KATNAL2: variants seen among roughly 807,000 people sequenced by gnomAD.
The protein encoded by KATNAL2 is katanin catalytic subunit A1 like 2, also known as katanin p60 ATPase-containing subunit A-like 2.
KATNAL2 carries 52 observed loss-of-function variants against 76.3 expected under a neutral mutation model. The observed-to-expected ratio is 0.68, with a 90% CI of 0.55 to 0.86. The LOEUF (loss-of-function observed/expected upper bound fraction) is 0.86. KATNAL2 is among the 40% of genes least tolerant of loss of function. The probability of loss-of-function intolerance (pLI) is 0.00; values close to 1 mark genes in which losing one functional copy is unlikely to be tolerated. For missense variants in KATNAL2, 660 were observed against 668.9 expected (o/e 0.99, Z 0.15); for synonymous variants, 243 against 244.2 (o/e 1.00, Z 0.05).
chr18:47,034,252 T>C (rs755578475), intron 3 of KATNAL2: 56 of 1,613,902 alleles, frequency 3.5e-5, no homozygotes, highest in Non-Finnish European at 4.7e-5. Context: ...GGAAAGCTGC[T>C]CTTTCTCCTC....
chr18:47,059,318 T>C (rs1015615684), intron 7 of KATNAL2, among the ~76,000 whole-genome samples: 1 of 152,218 alleles, frequency 6.6e-6, no homozygotes, highest in Admixed American at 6.5e-5. Context: ...AAAAGCTGCT[T>C]GGGGCCCATG....
At chr18:47,035,532 G>A in intron 3 of KATNAL2, 1 of 682,304 alleles carries the variant, frequency 1.5e-6, no homozygotes, top group Non-Finnish European at 2.5e-6. Context: ...GCAGTTTGCT[G>A]TGCAACAAAG....
chr18:46,959,794 C>A (rs1365321263), intron 3 of KATNAL2, among the ~76,000 whole-genome samples: 1 of 152,088 alleles, frequency 6.6e-6, no homozygotes, highest in African/African-American at 2.4e-5. Flanking sequence ...AGGCTGGCCT[C>A]AAACTCCTGA....
At chr18:47,034,698 G>A in intron 3 of KATNAL2, 3 of 1,612,934 alleles carry the variant, frequency 1.9e-6, no homozygotes, top group Non-Finnish European at 2.5e-6. Flanking sequence ...GTTGCTTCCC[G>A]GGCGCAGCGG....
At chr18:47,097,266 A>T (rs2147417039) in intron 15 of KATNAL2, among the ~76,000 whole-genome samples, 1 of 152,330 alleles carries the variant, frequency 6.6e-6, no homozygotes, top group African/African-American at 2.4e-5. Context: ...GGAATTGGGT[A>T]TTCCTATGGT....
intron 15 of KATNAL2, among the ~76,000 whole-genome samples, chr18:47,080,813 G>A (rs571726941): frequency 6.6e-6 from 1 of 152,142 alleles, no homozygotes; most frequent in African/African-American, 2.4e-5. Context: ...ATGTCCTTAT[G>A]GGCCAATTGC....
intron 1 of KATNAL2, among the ~76,000 whole-genome samples, chr18:46,922,265 T>C (rs1351344050): frequency 6.6e-6 from 1 of 151,856 alleles, no homozygotes; most frequent in African/African-American, 2.4e-5. Context: ...TCTCAGCTAA[T>C]TTTTGTATCT....
intron 4 of KATNAL2, among the ~76,000 whole-genome samples, chr18:47,051,082 T>C (rs1445479864): frequency 2.0e-5 from 3 of 152,150 alleles, no homozygotes; most frequent in Non-Finnish European, 4.4e-5. Flanking sequence ...TCTTGTGTCT[T>C]GTTATTATGG....
At chr18:47,090,922 T>C (rs1038994293) in intron 15 of KATNAL2, among the ~76,000 whole-genome samples, 1 of 152,206 alleles carries the variant, frequency 6.6e-6, no homozygotes, top group Admixed American at 6.5e-5. Flanking sequence ...CACAGAATGT[T>C]AATAAATATT....
intron 4 of KATNAL2, among the ~76,000 whole-genome samples, chr18:47,051,307 T>C (rs1264998005): frequency 6.6e-6 from 1 of 152,160 alleles, no homozygotes; most frequent in East Asian, 1.9e-4. Context: ...GGTGCACGCC[T>C]GTAGTCCAAG....
At chr18:47,088,682 G>T (rs2062876773) in intron 15 of KATNAL2, among the ~76,000 whole-genome samples, 1 of 152,210 alleles carries the variant, frequency 6.6e-6, no homozygotes, top group Admixed American at 6.5e-5. Context: ...AGGTTCAAGC[G>T]ATCCTCCCAC....
chr18:46,957,037 CAAA>C (rs71264809), intron 3 of KATNAL2, among the ~76,000 whole-genome samples: 1 of 104,892 alleles, frequency 9.5e-6, no homozygotes, highest in African/African-American at 3.7e-5. Flanking sequence ...AACTCCGTCT[CAAA>C]AAAAAAAAAA....
At chr18:47,032,049 G>GA (rs1180456215) in intron 3 of KATNAL2, among the ~76,000 whole-genome samples, 1 of 152,188 alleles carries the variant, frequency 6.6e-6, no homozygotes, top group Non-Finnish European at 1.5e-5. Flanking sequence ...ATGGTAATTA[G>GA]AAAATCTGAT....
At chr18:46,919,542 G>A (rs1009200420) in intron 1 of KATNAL2, among the ~76,000 whole-genome samples, 22 of 151,382 alleles carry the variant, frequency 1.5e-4, no homozygotes, top group African/African-American at 4.4e-4. Context: ...CCAGCTACTC[G>A]TGAGGCTGAG....
rs190603914 is a variant in KATNAL2 at position 46,932,402 on chromosome 18, C to A, written c.-509-13655C>A. 7.9e-5 allele frequency among the ~76,000 whole-genome samples: 12 copies of A among 151,998 alleles called. No homozygotes were observed. The East Asian group carries it at 2.3e-3, about 30-fold the overall frequency. On this transcript the variant is annotated intron_variant, in intron 1 of 17. Transcript: ENST00000683218. ...AATTAAAAAATGAAAGGGCTGGGCA[C>A]GGTGGCTCACACCTGTAATTCCAGC...
rs181263670 is a variant in KATNAL2 at position 47,098,814 on chromosome 18, G to C, written c.1212-429G>C. The C allele has an allele frequency of 1.1e-3, 177 of 162,526 alleles. 2 individuals carry two copies. Among genetic ancestry groups the C allele is most frequent in the East Asian group, 7.6e-3 (42 of 5,550 alleles). 10.1% of individuals were successfully genotyped at this position (162,526 alleles called of 1,614,324 possible). A position where few individuals can be genotyped will look rare whatever the true frequency, so the allele number is the denominator to read the frequency against. The stretch of plus-strand genomic sequence containing the variant: ...ATGTACTTAGAGTGCCCAACTTATT[G>C]TCAGCAATAATTTACTCACTGGCAA... On this transcript the variant is annotated intron_variant, in intron 15 of 17. Transcript: ENST00000683218.
At chr18:46,923,282 C>CATTG (rs2058630159) in intron 1 of KATNAL2, among the ~76,000 whole-genome samples, 2 of 137,904 alleles carry the variant, frequency 1.5e-5, no homozygotes, top group Non-Finnish European at 3.0e-5. Context: ...CATGTGTTCT[C>CATTG]ATTGTTCAAT....
intron 3 of KATNAL2, chr18:47,033,911 T>A (rs780724513): frequency 6.2e-7 from 1 of 1,613,154 alleles, no homozygotes; most frequent in South Asian, 1.1e-5. Context: ...GGCACCGTTT[T>A]CGGCCCGGCG....
chr18:46,918,946 T>G (rs1202927028), intron 1 of KATNAL2, among the ~76,000 whole-genome samples: 1 of 151,904 alleles, frequency 6.6e-6, no homozygotes, highest in Non-Finnish European at 1.5e-5. Context: ...TCCATGGTAA[T>G]TATGTAGGTA....
Sources: gnomAD v4.1 joint callset for allele counts (sites outside exome capture counted in the v4.1 genomes callset) on GRCh38, gnomAD v4.1.1 for gene constraint, MANE v1.5 for transcripts, NCBI Gene and HGNC (gene_info 2026-07-23, HGNC 2026-07-21) for gene names.